The following FANCL variants were observed in gnomAD, a reference collection of about 807,000 sequenced individuals.
FANCL encodes FA complementation group L.
FANCL carries 69 observed loss-of-function variants against 59.4 expected under a neutral mutation model. That is an observed-to-expected ratio of 1.16 (90% confidence interval 0.96 to 1.42). FANCL has a LOEUF of 1.42. Ranked by LOEUF, FANCL falls within the 40% of genes most tolerant of loss-of-function variation. The pLI, the probability that FANCL is intolerant of heterozygous loss-of-function variation, is 0.00. For missense variants in FANCL, 519 were observed against 447.2 expected (o/e 1.16, Z -1.45); for synonymous variants, 180 against 147.1 (o/e 1.22, Z -1.62).
Position 58,221,973 on chromosome 2 carries a change from T to C in FANCL, c.343A>G (p.Ile115Val), listed in dbSNP as rs149414332. Residue 115 changes from isoleucine (I) to valine (V), a missense_variant, in exon 5 of 14, where the codon ATT (isoleucine) becomes GTT (valine). By Grantham distance (29) the Ile-to-Val change is conservative. Coordinates refer to ENST00000233741, the MANE Select transcript of FANCL (RefSeq NM_018062.4). ...CAACCAAGAGTTCCTATCTCTTCAA[T>C]AAGGCTTGAGTAGAACTGGGGAGGA... ...PPPPQFYSSL[I>V]EEIGTLGWDK... The C allele has an allele frequency of 1.0e-4, 167 of 1,613,140 alleles. No individual in the cohort carries two copies. Among genetic ancestry groups the C allele is most frequent in the Non-Finnish European group, 1.3e-4 (152 of 1,179,336 alleles).
chr2:58,225,060 C>A (rs1692850986), intron 4 of FANCL, among the ~76,000 whole-genome samples: 1 of 151,388 alleles, frequency 6.6e-6, no homozygotes. Flanking sequence ...GAACCTGGGG[C>A]AACTGGTATC....
At chr2:58,194,927 A>AC (rs3834164) in intron 7 of FANCL, among the ~76,000 whole-genome samples, 62 of 50,198 alleles carry the variant, frequency 1.2e-3, no homozygotes, top group African/African-American at 9.5e-3. Flanking sequence ...ATTATATCAC[A>AC]AAAAAAAAAG....
chr2:58,175,946 A>C (rs1456407217), intron 7 of FANCL, among the ~76,000 whole-genome samples: 29 of 152,166 alleles, frequency 1.9e-4, no homozygotes, highest in Admixed American at 1.9e-3. Flanking sequence ...CTCAGGATAC[A>C]AAATCAATGT....
rs1100188 is a variant in FANCL at position 58,188,980 on chromosome 2, C to A, written c.540+9614G>T. Among the ~76,000 whole-genome samples, 109,042 of 151,994 alleles carry A rather than the reference C, an allele frequency of 0.72. 40,226 individuals carry two copies. Among genetic ancestry groups the A allele is most frequent in the African/African-American group, 0.91 (37,604 of 41,492 alleles). The stretch of plus-strand genomic sequence containing the variant: ...AACATGGTTGAATCTCCAAGTAATT[C>A]TGCCAAGGAAAAAAGACTGGCACAG... On this transcript the variant is annotated intron_variant, in intron 7 of 13. Transcript: ENST00000233741.
At chr2:58,201,384 A>T (rs1006115889) in intron 6 of FANCL, among the ~76,000 whole-genome samples, 2 of 151,572 alleles carry the variant, frequency 1.3e-5, no homozygotes, top group African/African-American at 4.9e-5. Flanking sequence ...AAAAAAAAAG[A>T]TTACATAATA....
chr2:58,163,404 TA>T, intron 9 of FANCL, 29 bp downstream of exon 9: 2 of 1,448,438 alleles, frequency 1.4e-6, no homozygotes, highest in Non-Finnish European at 1.9e-6. Flanking sequence ...ATGACTCTAT[TA>T]AAAAACGTTT....
At chr2:58,183,286 G>A (rs1021372248) in intron 7 of FANCL, among the ~76,000 whole-genome samples, 4 of 151,788 alleles carry the variant, frequency 2.6e-5, no homozygotes, top group African/African-American at 9.7e-5. Context: ...TAAGTTTAGA[G>A]ATTATTTCAC....
intron 8 of FANCL, among the ~76,000 whole-genome samples, chr2:58,164,622 G>T (rs1335455339): frequency 6.6e-6 from 1 of 151,972 alleles, no homozygotes; most frequent in East Asian, 1.9e-4. Flanking sequence ...AATAGGGAAT[G>T]AATTAAAAAC....
chr2:58,226,702 G>C (rs1440076275), intron 4 of FANCL, 26 bp downstream of exon 4: 2 of 1,552,482 alleles, frequency 1.3e-6, no homozygotes, highest in Admixed American at 3.4e-5. Context: ...TATGGTAACA[G>C]TGTCAGAAAA....
At chr2:58,187,774 A>C (rs1688552654) in intron 7 of FANCL, among the ~76,000 whole-genome samples, 1 of 152,188 alleles carries the variant, frequency 6.6e-6, no homozygotes, top group East Asian at 1.9e-4. Context: ...GAACGTGTGT[A>C]TACATAAAAC....
chr2:58,207,069 T>C lies in FANCL; in HGVS notation c.375-2843A>G, dbSNP rs574614843. On this transcript the variant is annotated intron_variant, in intron 5 of 13. Coordinates refer to ENST00000233741, the MANE Select transcript of FANCL (RefSeq NM_018062.4). ...AGCTAGTGACTTGTCCTAGCTGCCC[T>C]TGCAAGGAGGTGTTGGCATATAACT... 6.6e-5 allele frequency among the ~76,000 whole-genome samples: 10 copies of C among 152,278 alleles called. No homozygotes were observed. In the South Asian group the frequency reaches 1.9e-3, roughly 28 times the overall value.
Position 58,229,805 on chromosome 2 carries a change from A to G in FANCL, c.216+9T>C, listed in dbSNP as rs776623930. 2 of 1,595,078 alleles carry G rather than the reference A, an allele frequency of 1.3e-6. No homozygotes were observed. Among genetic ancestry groups the G allele is most frequent in the Non-Finnish European group, 1.7e-6 (2 of 1,162,898 alleles). ...CACTGAAAACATAAACCTTTTAAAAAGGACTTACCTGTTGTACTATTCGAT... is the reference window on the plus strand; with the variant it reads ...CACTGAAAACATAAACCTTTTAAAAGGGACTTACCTGTTGTACTATTCGAT... On this transcript the variant is annotated intron_variant, in intron 3 of 13. Coordinates refer to ENST00000233741, the MANE Select transcript of FANCL (RefSeq NM_018062.4).
intron 6 of FANCL, among the ~76,000 whole-genome samples, chr2:58,199,651 G>C (rs985167652): frequency 1.8e-4 from 28 of 152,012 alleles, no homozygotes; most frequent in Non-Finnish European, 7.4e-5. Flanking sequence ...AAAGGCAAAA[G>C]ATAAAATTTC....
intron 7 of FANCL, among the ~76,000 whole-genome samples, chr2:58,188,783 A>G (rs1688648595): frequency 6.6e-6 from 1 of 151,878 alleles, no homozygotes; most frequent in Non-Finnish European, 1.5e-5. Flanking sequence ...AAAAAAAAAA[A>G]GAGCTGTTGG....
chr2:58,163,388 G>A, intron 9 of FANCL, 46 bp downstream of exon 9: 3 of 1,234,942 alleles, frequency 2.4e-6, no homozygotes, highest in South Asian at 2.4e-5. Flanking sequence ...GCTAGGCAAG[G>A]ATTTTATGAC....
At chr2:58,180,741 C>A (rs1687854997) in intron 7 of FANCL, among the ~76,000 whole-genome samples, 1 of 151,722 alleles carries the variant, frequency 6.6e-6, no homozygotes, top group African/African-American at 2.4e-5. Flanking sequence ...AAAATAGCCA[C>A]CTTCTCATTT....
chr2:58,191,704 T>A (rs1470207064), intron 7 of FANCL, among the ~76,000 whole-genome samples: 1 of 151,920 alleles, frequency 6.6e-6, no homozygotes, highest in Non-Finnish European at 1.5e-5. Context: ...GATATGTGTG[T>A]ATAAATCCAC....
chr2:58,237,406 A>G (rs904281072), intron 1 of FANCL, among the ~76,000 whole-genome samples: 2 of 152,144 alleles, frequency 1.3e-5, no homozygotes, highest in African/African-American at 2.4e-5. Flanking sequence ...GGCATTTGGA[A>G]CTGAATAAAA....
At chr2:58,174,739 A>G (rs529933214) in intron 7 of FANCL, among the ~76,000 whole-genome samples, 14 of 152,356 alleles carry the variant, frequency 9.2e-5, no homozygotes, top group South Asian at 4.1e-4. Context: ...CTAGAAAAGC[A>G]AGAGCAAACA....
Sources: gnomAD v4.1 joint callset for allele counts (sites outside exome capture counted in the v4.1 genomes callset) on GRCh38, gnomAD v4.1.1 for gene constraint, MANE v1.5 for transcripts, NCBI Gene and HGNC (gene_info 2026-07-23, HGNC 2026-07-21) for gene names.